Variants in WDR72 observed in about 807,000 individuals in gnomAD.
The protein encoded by WDR72 is WD repeat-containing protein 72.
WDR72 carries 120 observed loss-of-function variants against 124.2 expected under a neutral mutation model. The observed-to-expected ratio is 0.97, with a 90% CI of 0.83 to 1.12. The LOEUF (loss-of-function observed/expected upper bound fraction) is 1.12, where lower values mean the gene tolerates loss of function less well. WDR72 is among the 50% of genes most tolerant of loss of function. The pLI is 0.00. For synonymous variants in WDR72, 452 were observed against 441.7 expected (o/e 1.02, Z -0.29); for missense variants, 1,387 against 1,278.8 (o/e 1.08, Z -1.29).
intron 13 of WDR72, among the ~76,000 whole-genome samples, chr15:53,683,905 T>C (rs1232511024): frequency 6.6e-6 from 1 of 152,158 alleles, no homozygotes; most frequent in Non-Finnish European, 1.5e-5. Flanking sequence ...TCTCTTAGAC[T>C]AACAGGAGTT....
chr15:53,737,635 A>G (rs941297814), intron 1 of WDR72, among the ~76,000 whole-genome samples: 13 of 152,146 alleles, frequency 8.5e-5, no homozygotes, highest in Non-Finnish European at 1.9e-4. Context: ...ACTCAACAGC[A>G]GAGTCTCAAA....
intron 12 of WDR72, among the ~76,000 whole-genome samples, chr15:53,701,627 T>C (rs2017182973): frequency 6.6e-6 from 1 of 151,576 alleles, no homozygotes; most frequent in Non-Finnish European, 1.5e-5. Flanking sequence ...TCAATATTAT[T>C]ATAAAAAGAA....
At chr15:53,625,556 T>TG (rs949775624) in intron 14 of WDR72, among the ~76,000 whole-genome samples, 13 of 152,098 alleles carry the variant, frequency 8.5e-5, no homozygotes, top group Admixed American at 8.5e-4. Context: ...AAACAGCAGG[T>TG]GGGGAGTAGG....
intron 1 of WDR72, among the ~76,000 whole-genome samples, chr15:53,734,669 A>G (rs1335982025): frequency 6.6e-6 from 1 of 152,146 alleles, no homozygotes; most frequent in Non-Finnish European, 1.5e-5. Context: ...TCCCTATGTA[A>G]GGATAGGAAG....
At chr15:53,710,302 T>C (rs971273302) in intron 9 of WDR72, among the ~76,000 whole-genome samples, 1 of 152,186 alleles carries the variant, frequency 6.6e-6, no homozygotes, top group African/African-American at 2.4e-5. Flanking sequence ...ACACCATTTA[T>C]CACAAGGGTC....
intron 9 of WDR72, among the ~76,000 whole-genome samples, chr15:53,706,351 T>TGTGTGTATATATATATATATACATAC (rs1555426201): frequency 8.8e-5 from 1 of 11,314 alleles, no homozygotes; most frequent in African/African-American, 2.4e-4. Flanking sequence ...TGTGTGTGTG[T>TGTGTGTATATATATATATATACATAC]ATATATATAT....
chr15:53,572,034 G>A (rs892625115), intron 18 of WDR72, among the ~76,000 whole-genome samples: 3 of 151,694 alleles, frequency 2.0e-5, no homozygotes, highest in African/African-American at 4.8e-5. Context: ...ATCTGTATTC[G>A]GGTCCTGTGT....
intron 18 of WDR72, among the ~76,000 whole-genome samples, chr15:53,527,183 A>C (rs563053479): frequency 6.6e-6 from 1 of 152,232 alleles, no homozygotes; most frequent in Non-Finnish European, 1.5e-5. Context: ...AGATAGTATG[A>C]GGAAGACTCT....
Position 53,515,049 on chromosome 15 carries a change from ATG to A in WDR72, c.*2648_*2649del, listed in dbSNP as rs985049400. On this transcript the variant is annotated 3_prime_UTR_variant, in exon 20 of 20. Transcript: ENST00000360509. The stretch of plus-strand genomic sequence containing the variant: ...TACACACATATATATGTGTATATAT[ATG>A]TGTGTATATATATACACACATATAT... 3 of 138,320 alleles carry A rather than the reference ATG, an allele frequency of 2.2e-5. No homozygotes were observed. The highest frequency in any genetic ancestry group is 7.4e-5 in the Admixed American group (1 of 13,558). 8.6% of individuals were successfully genotyped at this position (138,320 alleles called of 1,614,324 possible).
intron 14 of WDR72, among the ~76,000 whole-genome samples, chr15:53,660,734 T>G (rs1167065796): frequency 6.6e-6 from 1 of 152,168 alleles, no homozygotes; most frequent in Non-Finnish European, 1.5e-5. Context: ...AAATTCCAAC[T>G]AAGTTGGGAG....
At chr15:53,691,819 G>A (rs548572942) in intron 13 of WDR72, among the ~76,000 whole-genome samples, 6 of 152,290 alleles carry the variant, frequency 3.9e-5, no homozygotes, top group Non-Finnish European at 8.8e-5. Flanking sequence ...GACTGCACAT[G>A]TTAACAGTGG....
chr15:53,742,580 A>G (rs2018538047), intron 1 of WDR72, among the ~76,000 whole-genome samples: 3 of 152,218 alleles, frequency 2.0e-5, no homozygotes, highest in Admixed American at 1.3e-4. Flanking sequence ...TTCAAAATAA[A>G]TACTTTCACT....
At chr15:53,686,377 A>C (rs2016624946) in intron 13 of WDR72, among the ~76,000 whole-genome samples, 1 of 151,274 alleles carries the variant, frequency 6.6e-6, no homozygotes, top group Non-Finnish European at 1.5e-5. Context: ...TCTACCAAGC[A>C]AATGGAAAAC....
chr15:53,539,911 A>G (rs1892979717), intron 18 of WDR72, among the ~76,000 whole-genome samples: 1 of 152,220 alleles, frequency 6.6e-6, no homozygotes, highest in Admixed American at 6.5e-5. Flanking sequence ...CATCAAAAAC[A>G]AAGAGTTAAG....
intron 18 of WDR72, among the ~76,000 whole-genome samples, chr15:53,533,478 A>T (rs1451073597): frequency 6.6e-6 from 1 of 152,092 alleles, no homozygotes; most frequent in African/African-American, 2.4e-5. Flanking sequence ...CTTTAAATTA[A>T]GACAAGTCAT....
At chr15:53,752,611 C>A (rs2018801867) in intron 1 of WDR72, among the ~76,000 whole-genome samples, 1 of 152,168 alleles carries the variant, frequency 6.6e-6, no homozygotes, top group South Asian at 2.1e-4. Context: ...GACCTCCAGC[C>A]TCCAGAACTG....
intron 13 of WDR72, among the ~76,000 whole-genome samples, chr15:53,669,215 T>C (rs1026904100): frequency 4.3e-4 from 66 of 152,154 alleles, no homozygotes; most frequent in Admixed American, 9.2e-4. Context: ...TTGGGTAGTT[T>C]TGTAACAGCG....
chr15:53,563,590 A>T (rs1429870699), intron 18 of WDR72, among the ~76,000 whole-genome samples: 2 of 151,764 alleles, frequency 1.3e-5, no homozygotes, highest in African/African-American at 4.8e-5. Flanking sequence ...AATGTTTATT[A>T]ATACCCCCAA....
intron 2 of WDR72, among the ~76,000 whole-genome samples, chr15:53,730,947 G>T (rs776750114): frequency 2.2e-5 from 3 of 135,152 alleles, no homozygotes; most frequent in East Asian, 1.9e-4. Context: ...GTTGCAATGT[G>T]GGGGGGCAAG....
Sources: gnomAD v4.1 joint callset for allele counts (sites outside exome capture counted in the v4.1 genomes callset) on GRCh38, gnomAD v4.1.1 for gene constraint, MANE v1.5 for transcripts, NCBI Gene and HGNC (gene_info 2026-07-23, HGNC 2026-07-21) for gene names.